The following NICOL1 variants were observed in gnomAD, a reference collection of about 807,000 sequenced individuals.
NICOL1 encodes the protein NELL2 interacting cell ontogeny regulator 1.
At chr4:2,037,103 G>A in the NICOL1 span, among the ~76,000 whole-genome samples, 1 of 152,094 alleles carries the variant, frequency 6.6e-6, no homozygotes, top group South Asian at 2.1e-4. Context: ...AATGTGTGTA[G>A]CACTTCCCCC....
the NICOL1 span, among the ~76,000 whole-genome samples, chr4:2,039,323 A>G: frequency 6.6e-6 from 1 of 152,026 alleles, no homozygotes; most frequent in African/African-American, 2.4e-5. Context: ...CTGAGGCAGG[A>G]GAATCGCTTG....
At chr4:2,042,595 G>T in the NICOL1 span, 1 of 514,048 alleles carries the variant, frequency 1.9e-6, no homozygotes, top group East Asian at 3.5e-5. Context: ...CCGGGAGCGG[G>T]TCCTCCCCTT....
the NICOL1 span, chr4:2,042,041 C>T: frequency 1.4e-6 from 2 of 1,475,734 alleles, no homozygotes; most frequent in Non-Finnish European, 8.9e-7. Context: ...TGTCCCCGCG[C>T]TGCTGGTCCC....
the NICOL1 span, among the ~76,000 whole-genome samples, chr4:2,043,582 G>A: frequency 1.2e-3 from 181 of 152,274 alleles, no homozygotes; most frequent in Non-Finnish European, 2.2e-3. Context: ...AGGGAGTGGG[G>A]GACAGTGGAC....
chr4:2,042,196 C>A, the NICOL1 span: 1 of 1,432,104 alleles, frequency 7.0e-7, no homozygotes, highest in Non-Finnish European at 9.1e-7. Context: ...GGCTCCCGGG[C>A]CCGGGGTGGG....
chr4:2,040,432 G>A, the NICOL1 span, among the ~76,000 whole-genome samples: 1 of 152,128 alleles, frequency 6.6e-6, no homozygotes, highest in Non-Finnish European at 1.5e-5. Flanking sequence ...GGGGTGATAG[G>A]AGCAGGTCGC....
At chr4:2,038,232 A>AGTGTGT in the NICOL1 span, among the ~76,000 whole-genome samples, 48 of 96,498 alleles carry the variant, frequency 5.0e-4, no homozygotes, top group African/African-American at 1.9e-3. Context: ...TTAAGTGATC[A>AGTGTGT]GTGTGTATAT....
At chr4:2,042,153 G>A in the NICOL1 span, 2 of 1,456,648 alleles carry the variant, frequency 1.4e-6, no homozygotes, top group Non-Finnish European at 1.8e-6. Context: ...GGAGACCGGC[G>A]GACTGGAGTC....
chr4:2,040,825 G>T, the NICOL1 span, among the ~76,000 whole-genome samples: 6 of 152,142 alleles, frequency 3.9e-5, no homozygotes, highest in African/African-American at 1.2e-4. Flanking sequence ...CGGCAGTCAC[G>T]GGCACGCTTC....
chr4:2,043,742 G>A, the NICOL1 span: 2 of 759,782 alleles, frequency 2.6e-6, no homozygotes, highest in Non-Finnish European at 4.3e-6. Context: ...TTAGAGCCAG[G>A]GCCTGACCTT....
At chr4:2,040,384 T>C in the NICOL1 span, among the ~76,000 whole-genome samples, 2 of 152,174 alleles carry the variant, frequency 1.3e-5, no homozygotes, top group East Asian at 1.9e-4. Flanking sequence ...TGGGATTAGA[T>C]TGTCCGTGGG....
At chr4:2,041,892 C>G in the NICOL1 span, 2 of 1,256,844 alleles carry the variant, frequency 1.6e-6, no homozygotes, top group South Asian at 1.8e-5. Context: ...ACACCCGATT[C>G]CTGGAGCGTC....
At chr4:2,039,855 C>G in the NICOL1 span, among the ~76,000 whole-genome samples, 20 of 151,950 alleles carry the variant, frequency 1.3e-4, no homozygotes, top group Non-Finnish European at 2.9e-4. Flanking sequence ...AAGAGTTAAA[C>G]TTCTAATTAA....
At chr4:2,042,765 G>C in the NICOL1 span, 1 of 1,518,392 alleles carries the variant, frequency 6.6e-7, no homozygotes, top group Non-Finnish European at 8.8e-7. Flanking sequence ...CCACGCCTTC[G>C]AGTTCATGCA....
At chr4:2,042,623 T>C in the NICOL1 span, 3 of 568,788 alleles carry the variant, frequency 5.3e-6, no homozygotes, top group Non-Finnish European at 8.8e-6. Context: ...GATGGTGGCT[T>C]GGGGAGTGGG....
At chr4:2,042,239 C>T in the NICOL1 span, 1 of 1,015,690 alleles carries the variant, frequency 9.8e-7, no homozygotes. Context: ...GGGGCTTGGA[C>T]AAGGGTCGTG....
At chr4:2,037,243 G>A in the NICOL1 span, among the ~76,000 whole-genome samples, 1 of 152,128 alleles carries the variant, frequency 6.6e-6, no homozygotes, top group African/African-American at 2.4e-5. Context: ...TGTGAGTCAA[G>A]GAAACCCTTT....
At chr4:2,039,405 T>C in the NICOL1 span, among the ~76,000 whole-genome samples, 2 of 151,264 alleles carry the variant, frequency 1.3e-5, no homozygotes, top group Non-Finnish European at 2.9e-5. Flanking sequence ...CAGAGCAAGA[T>C]TGCGTCTCAA....
At chr4:2,042,317 C>T in the NICOL1 span, 3 of 649,180 alleles carry the variant, frequency 4.6e-6, no homozygotes, top group African/African-American at 5.9e-5. Flanking sequence ...TGACCCCTCG[C>T]TGGCTTCAGG....
Sources: allele counts gnomAD v4.1 joint callset (sites outside exome capture counted in the v4.1 genomes callset), GRCh38; gene constraint gnomAD v4.1.1; transcripts MANE v1.5; gene names NCBI Gene and HGNC (gene_info 2026-07-23, HGNC 2026-07-21).